Variants in MAMDC2 observed in about 807,000 individuals in gnomAD.
The protein encoded by MAMDC2 is MAM domain-containing protein 2.
Under a neutral mutation model 89.8 loss-of-function variants are expected in MAMDC2, and 57 were observed. The ratio of observed to expected loss-of-function variants is 0.63; its 90% confidence interval spans 0.51 to 0.79. MAMDC2 has a LOEUF of 0.79. Ranked by LOEUF, MAMDC2 falls within the 30% of genes least tolerant of loss-of-function variation. The pLI is 0.00. For missense variants in MAMDC2, 800 were observed against 820.6 expected, an observed-to-expected ratio of 0.97 and a Z score of 0.31; for synonymous variants, 313 against 293.4, an observed-to-expected ratio of 1.07 and a Z score of -0.68.
intron 9 of MAMDC2, among the ~76,000 whole-genome samples, chr9:70,166,870 C>T (rs1406627440): frequency 6.6e-6 from 1 of 151,990 alleles, no homozygotes; most frequent in African/African-American, 2.4e-5. Flanking sequence ...TTTAAAGCTA[C>T]CCCCCACACC....
intron 2 of MAMDC2, among the ~76,000 whole-genome samples, chr9:70,084,424 C>A (rs1383493523): frequency 6.6e-6 from 1 of 152,062 alleles, no homozygotes; most frequent in African/African-American, 2.4e-5. Flanking sequence ...AGATGCTCAA[C>A]AAATATTGCA....
chr9:70,087,360 T>C (rs1827791997), intron 2 of MAMDC2: 1 of 152,194 alleles, frequency 6.6e-6, no homozygotes, highest in Non-Finnish European at 1.5e-5. Flanking sequence ...CAATTTAATC[T>C]CCATCTCTTT....
At chr9:70,208,472 C>T (rs1023850182) in intron 11 of MAMDC2, among the ~76,000 whole-genome samples, 1 of 152,108 alleles carries the variant, frequency 6.6e-6, no homozygotes, top group African/African-American at 2.4e-5. Context: ...GTGATTTTTG[C>T]ACATTGATTT....
chr9:70,181,284 G>A (rs2032640295), intron 11 of MAMDC2, among the ~76,000 whole-genome samples: 2 of 152,156 alleles, frequency 1.3e-5, no homozygotes, highest in African/African-American at 2.4e-5. Flanking sequence ...GTCAGGTAAC[G>A]TGATGCCTCC....
chr9:70,149,983 G>A (rs1280486582), intron 9 of MAMDC2, among the ~76,000 whole-genome samples: 1 of 152,152 alleles, frequency 6.6e-6, no homozygotes, highest in African/African-American at 2.4e-5. Flanking sequence ...ACGTTCCTGT[G>A]ACCATACAGC....
intron 11 of MAMDC2, among the ~76,000 whole-genome samples, chr9:70,195,675 A>G (rs531870440): frequency 2.2e-4 from 33 of 152,152 alleles, no homozygotes; most frequent in South Asian, 1.0e-3. Context: ...ACCATGAGTC[A>G]CTTAATAGCC....
chr9:70,164,144 C>G (rs2032085740), intron 9 of MAMDC2, among the ~76,000 whole-genome samples: 1 of 152,048 alleles, frequency 6.6e-6, no homozygotes, highest in African/African-American at 2.4e-5. Context: ...ATTGTCACGA[C>G]TTGGCAGTGA....
chr9:70,148,801 G>A (rs1287574909), intron 9 of MAMDC2, among the ~76,000 whole-genome samples: 5 of 149,824 alleles, frequency 3.3e-5, no homozygotes, highest in East Asian at 3.9e-4. Context: ...AGGCCGAGGC[G>A]GGCGGATCAT....
In MAMDC2 at chr9:70,126,318, T is replaced by C. The variant is rs2030545215; in HGVS notation, c.803T>C (p.Val268Ala). 6.2e-7 allele frequency: 1 copy of C among 1,614,174 alleles called. No homozygotes were observed. Among genetic ancestry groups the C allele is most frequent in the Admixed American group, 1.7e-5 (1 of 60,018 alleles). Residue 268 changes from valine (V) to alanine (A), a missense_variant, in exon 6 of 14, where the codon GTG (valine) becomes GCG (alanine). Transcript: ENST00000377182. ...DNVFSLYTRD[V>A]AGLYEEIWKA... ...GTCTTTTCCCTTTACACTCGGGATG[T>C]GGCTGGCCTTTACGAGGAAATCTGG...
chr9:70,209,471 G>C (rs576737150), intron 11 of MAMDC2, among the ~76,000 whole-genome samples: 60 of 152,238 alleles, frequency 3.9e-4, no homozygotes, highest in Non-Finnish European at 7.2e-4. Context: ...AGGATCAGTT[G>C]TGATATTCCC....
intron 11 of MAMDC2, among the ~76,000 whole-genome samples, chr9:70,201,944 T>A (rs529509388): frequency 6.7e-6 from 1 of 148,882 alleles, no homozygotes; most frequent in African/African-American, 2.5e-5. Context: ...TCTTCTCTCT[T>A]TTTTTCTTTA....
At chr9:70,119,801 T>A (rs938712618) in intron 5 of MAMDC2, among the ~76,000 whole-genome samples, 3 of 152,178 alleles carry the variant, frequency 2.0e-5, no homozygotes, top group Non-Finnish European at 4.4e-5. Context: ...TGGGAGGCAA[T>A]GGGCAGGGTG....
intron 12 of MAMDC2, among the ~76,000 whole-genome samples, chr9:70,221,380 T>TATATATATATATATATATAGAGAGAG: frequency 1.4e-4 from 1 of 7,042 alleles, no homozygotes; most frequent in Non-Finnish European, 2.6e-4. Flanking sequence ...TATATATATA[T>TATATATATATATATATATAGAGAGAG]AGAGAGAGAG....
intron 12 of MAMDC2, among the ~76,000 whole-genome samples, chr9:70,225,086 C>A (rs1373467156): frequency 6.6e-6 from 1 of 152,124 alleles, no homozygotes; most frequent in African/African-American, 2.4e-5. Context: ...AATTTGTTAA[C>A]CATTGTTGGG....
At chr9:70,124,694 G>T (rs903074392) in intron 5 of MAMDC2, among the ~76,000 whole-genome samples, 1 of 152,068 alleles carries the variant, frequency 6.6e-6, no homozygotes, top group Admixed American at 6.5e-5. Flanking sequence ...ATGGAGAAAA[G>T]GTATTCTTTA....
intron 11 of MAMDC2, among the ~76,000 whole-genome samples, chr9:70,174,725 A>ATTT (rs34725592): frequency 3.5e-5 from 5 of 141,848 alleles, no homozygotes; most frequent in African/African-American, 7.9e-5. Context: ...AGGGCTTTGG[A>ATTT]TTTTTTTTTT....
At chr9:70,167,309 A>G (rs1307049026) in intron 9 of MAMDC2, among the ~76,000 whole-genome samples, 1 of 152,236 alleles carries the variant, frequency 6.6e-6, no homozygotes, top group Non-Finnish European at 1.5e-5. Flanking sequence ...AAGACATTTT[A>G]TATTTTGCAT....
chr9:70,205,886 G>A (rs897240513), intron 11 of MAMDC2, among the ~76,000 whole-genome samples: 4 of 152,170 alleles, frequency 2.6e-5, no homozygotes, highest in African/African-American at 9.7e-5. Context: ...TGTCAAACAG[G>A]GCTTTTCTCT....
chr9:70,120,304 A>T (rs1258385326), intron 5 of MAMDC2, among the ~76,000 whole-genome samples: 1 of 152,072 alleles, frequency 6.6e-6, no homozygotes, highest in Non-Finnish European at 1.5e-5. Context: ...AAGAACTCTG[A>T]TTACTTTCAT....
Sources: gnomAD v4.1 joint callset for allele counts (sites outside exome capture counted in the v4.1 genomes callset) on GRCh38, gnomAD v4.1.1 for gene constraint, MANE v1.5 for transcripts, NCBI Gene and HGNC (gene_info 2026-07-23, HGNC 2026-07-21) for gene names.